Variants in LIN9 observed in about 807,000 individuals in gnomAD.
LIN9 encodes the protein lin-9 DREAM MuvB core complex component.
LIN9 carries 18 observed loss-of-function variants against 78.0 expected under a neutral mutation model. The ratio of observed to expected loss-of-function variants is 0.23; its 90% CI spans 0.16 to 0.34. The LOEUF (loss-of-function observed/expected upper bound fraction) is 0.34, where lower values mean the gene tolerates loss of function less well. Among genes scored for constraint, LIN9 ranks in the 10% least tolerant of loss-of-function variants. The pLI is 1.00. For missense variants in LIN9, 451 were observed against 644.1 expected (o/e 0.70, Z 3.25); for synonymous variants, 192 against 215.2 (o/e 0.89, Z 0.94).
chr1:226,278,450 CA>C (rs1440583216), intron 6 of LIN9, among the ~76,000 whole-genome samples: 1 of 151,512 alleles, frequency 6.6e-6, no homozygotes, highest in East Asian at 2.0e-4. Context: ...AAAACAAAAA[CA>C]AAAAAACCTT....
rs999293914 is a variant in LIN9, at chr1:226,232,236, A to G, written c.*265T>C. 2.9e-4 allele frequency: 116 copies of G among 403,732 alleles called. No homozygotes were observed. Among genetic ancestry groups the G allele is most frequent in the East Asian group, 7.1e-5 (2 of 28,240 alleles). The allele number at this position is 403,732 out of a possible 1,614,324, so 25.0% of individuals were successfully genotyped here. On this transcript the variant is annotated 3_prime_UTR_variant, in exon 15 of 15. Transcript: ENST00000681046. Reference sequence around the variant, plus strand: ...TTCCACGAAATTATATTATGTTCAGATATTTCAGTTTAAAAATATTTGTGA... The same window carrying G: ...TTCCACGAAATTATATTATGTTCAGGTATTTCAGTTTAAAAATATTTGTGA...
chr1:226,253,833 T>C (rs1329461929), intron 10 of LIN9, among the ~76,000 whole-genome samples: 1 of 151,920 alleles, frequency 6.6e-6, no homozygotes, highest in Non-Finnish European at 1.5e-5. Flanking sequence ...GAGAATCACA[T>C]GAACCCAGGA....
chr1:226,268,082 G>A lies in LIN9; in HGVS notation c.691C>T (p.Arg231Cys), dbSNP rs755213060. 2.5e-6 allele frequency: 4 copies of A among 1,613,342 alleles called. No individual in the cohort carries two copies. Among genetic ancestry groups the A allele is most frequent in the Admixed American group, 1.7e-5 (1 of 59,848 alleles). The change falls in exon 8 of 15, where the codon CGT becomes TGT. Residue 231 changes from arginine to cysteine, a missense_variant. Arg to Cys is a radical substitution (Grantham distance 180). Coordinates refer to ENST00000681046, the MANE Select transcript of LIN9 (RefSeq NM_001366245.2). ...VIGTKVTARL[R>C]GVHDGLFTGQ... ...GTGAACAAACCATCATGAACACCAC[G>A]TAATCGTGCTGAGAAAAGAACAAAG...
intron 4 of LIN9, among the ~76,000 whole-genome samples, chr1:226,291,503 C>T (rs922989215): frequency 6.6e-5 from 10 of 151,910 alleles, no homozygotes; most frequent in Non-Finnish European, 1.3e-4. Flanking sequence ...TCTATGAATA[C>T]ATTAAAAGTA....
intron 10 of LIN9, among the ~76,000 whole-genome samples, chr1:226,263,691 T>C (rs976082979): frequency 6.6e-6 from 1 of 152,236 alleles, no homozygotes; most frequent in Non-Finnish European, 1.5e-5. Context: ...TCTTTGCTCT[T>C]ATCACATTTT....
At position 226,267,838 on chromosome 1, in the gene LIN9, G is replaced by T. The variant is rs1576314954; in HGVS notation, c.816+119C>A. On this transcript the variant is annotated intron_variant, in intron 8 of 14. Coordinates refer to ENST00000681046, the MANE Select transcript of LIN9 (RefSeq NM_001366245.2). ...AGCAGATAGGGCTGGGGTCCCCTAA[G>T]GATCTCTTCCTCTGTGAGATAAAGT... The T allele has an allele frequency of 6.4e-6, 7 of 1,096,940 alleles. No individual in the cohort carries two copies. The East Asian group carries it at 1.3e-4, about 20-fold the overall frequency. 68.0% of individuals were successfully genotyped at this position (1,096,940 alleles called of 1,614,324 possible).
chr1:226,252,552 G>C (rs1335597581), intron 10 of LIN9, among the ~76,000 whole-genome samples: 2 of 152,064 alleles, frequency 1.3e-5, no homozygotes, highest in Non-Finnish European at 2.9e-5. Flanking sequence ...TCAATAAGTT[G>C]CATGGAGAAA....
chr1:226,278,495 T>C (rs981573316), intron 6 of LIN9, among the ~76,000 whole-genome samples: 1 of 151,618 alleles, frequency 6.6e-6, no homozygotes, highest in Non-Finnish European at 1.5e-5. Flanking sequence ...CTTTTTTTCT[T>C]CTCATTAAGT....
intron 2 of LIN9, among the ~76,000 whole-genome samples, chr1:226,298,358 C>T (rs1451472746): frequency 6.6e-6 from 1 of 152,128 alleles, no homozygotes; most frequent in African/African-American, 2.4e-5. Flanking sequence ...CAGGTGTGTG[C>T]CACCACGCCT....
chr1:226,289,841 G>GGC (rs1553283418), intron 4 of LIN9, among the ~76,000 whole-genome samples: 1 of 66,544 alleles, frequency 1.5e-5, no homozygotes, highest in Non-Finnish European at 3.3e-5. Context: ...CTCCGGGGGG[G>GGC]GGGGTGGGGG....
chr1:226,305,477 A>G (rs1036422792), intron 1 of LIN9, among the ~76,000 whole-genome samples: 1 of 152,148 alleles, frequency 6.6e-6, no homozygotes, highest in Admixed American at 6.5e-5. Flanking sequence ...TACACAACAG[A>G]GGGAGACCCT....
chr1:226,297,685 T>G (rs1662242078), intron 3 of LIN9, 34 bp downstream of exon 3: 2 of 1,404,576 alleles, frequency 1.4e-6, no homozygotes, highest in Non-Finnish European at 1.9e-6. Context: ...TTAGCTAGAA[T>G]TATTCTAAAA....
At chr1:226,284,202 AT>A (rs2102964276) in intron 6 of LIN9, among the ~76,000 whole-genome samples, 1 of 152,200 alleles carries the variant, frequency 6.6e-6, no homozygotes, top group South Asian at 2.1e-4. Flanking sequence ...CATTGCAACT[AT>A]TATACTAAAC....
chr1:226,284,562 A>G (rs1458025235), intron 6 of LIN9, among the ~76,000 whole-genome samples: 1 of 152,096 alleles, frequency 6.6e-6, no homozygotes, highest in Non-Finnish European at 1.5e-5. Context: ...TGTCTCTACT[A>G]AAAATACAAA....
chr1:226,258,821 G>A (rs1415147747), intron 10 of LIN9, among the ~76,000 whole-genome samples: 1 of 137,428 alleles, frequency 7.3e-6, no homozygotes, highest in Non-Finnish European at 1.5e-5. Flanking sequence ...AACCTGGGAT[G>A]TGGAGCTTGC....
At chr1:226,239,158 G>A in intron 11 of LIN9, 62 bp from the exon 12 acceptor site, 2 of 1,531,370 alleles carry the variant, frequency 1.3e-6, no homozygotes, top group East Asian at 2.3e-5. Flanking sequence ...CAATTTCAAT[G>A]ATCTAAAAGG....
In LIN9 at chr1:226,301,209, C is replaced by A; in HGVS notation, c.32-4G>T. 1 of 1,598,462 alleles carries A rather than the reference C, an allele frequency of 6.3e-7. No homozygotes were observed. The highest frequency in any genetic ancestry group is 1.7e-5 in the Admixed American group (1 of 59,532). ...ACAAGGGCTTTTGCTGAAGAGCCTGCAATTAAAAATAAAACAAATCAATAA... is the reference window on the plus strand; with the variant it reads ...ACAAGGGCTTTTGCTGAAGAGCCTGAAATTAAAAATAAAACAAATCAATAA... On this transcript the variant is annotated splice_polypyrimidine_tract_variant and splice_region_variant and intron_variant, in intron 1 of 14. Transcript: ENST00000681046.
intron 11 of LIN9, among the ~76,000 whole-genome samples, chr1:226,243,380 T>C (rs1194844736): frequency 1.3e-5 from 2 of 152,178 alleles, no homozygotes; most frequent in South Asian, 2.1e-4. Flanking sequence ...GAATGTTACA[T>C]AGTATAAAAT....
chr1:226,296,892 C>T (rs991847779), intron 3 of LIN9, among the ~76,000 whole-genome samples: 4 of 152,094 alleles, frequency 2.6e-5, no homozygotes, highest in African/African-American at 9.7e-5. Context: ...GGCGTGGTGG[C>T]ACACACCTGT....
Sources: gnomAD v4.1 joint callset for allele counts (sites outside exome capture counted in the v4.1 genomes callset) on GRCh38, gnomAD v4.1.1 for gene constraint, MANE v1.5 for transcripts, NCBI Gene and HGNC (gene_info 2026-07-23, HGNC 2026-07-21) for gene names.